SEMA3A: variants seen among roughly 807,000 people sequenced by gnomAD.
SEMA3A encodes semaphorin-3A.
SEMA3A carries 29 observed loss-of-function variants against 97.9 expected under a neutral mutation model. The ratio of observed to expected loss-of-function variants is 0.30; its 90% CI spans 0.22 to 0.40. The LOEUF (loss-of-function observed/expected upper bound fraction) is 0.40. SEMA3A is among the 10% of genes least tolerant of loss of function. The pLI is 1.00. For missense variants in SEMA3A, 763 were observed against 951.3 expected, an observed-to-expected ratio of 0.80 and a Z score of 2.60; for synonymous variants, 321 against 323.7, an observed-to-expected ratio of 0.99 and a Z score of 0.09.
At chr7:84,489,820 T>C (rs1362471706) in intron 1 of SEMA3A, among the ~76,000 whole-genome samples, 1 of 152,116 alleles carries the variant, frequency 6.6e-6, no homozygotes, top group Admixed American at 6.6e-5. Flanking sequence ...GTTATTAAGT[T>C]ATGTAAGTGT....
At chr7:84,288,305 G>A (rs929340315) in intron 3 of SEMA3A, among the ~76,000 whole-genome samples, 3 of 152,028 alleles carry the variant, frequency 2.0e-5, no homozygotes, top group African/African-American at 2.4e-5. Context: ...ATGTTTAAAC[G>A]AATTAAATTT....
chr7:84,334,203 T>C (rs2115959928), intron 2 of SEMA3A, among the ~76,000 whole-genome samples: 1 of 152,226 alleles, frequency 6.6e-6, no homozygotes, highest in East Asian at 1.9e-4. Context: ...ATTAAAAGTT[T>C]ATTTTCCATT....
intron 3 of SEMA3A, among the ~76,000 whole-genome samples, chr7:84,264,461 C>T (rs1017895819): frequency 6.6e-6 from 1 of 152,122 alleles, no homozygotes; most frequent in Non-Finnish European, 1.5e-5. Context: ...CGGTTTTTTT[C>T]TGGCTGCTGT....
At chr7:84,085,157 G>T (rs1794291080) in intron 4 of SEMA3A, among the ~76,000 whole-genome samples, 1 of 151,928 alleles carries the variant, frequency 6.6e-6, no homozygotes, top group South Asian at 2.1e-4. Context: ...TACCAAAGTG[G>T]ATTTCTCAAG....
intron 1 of SEMA3A, among the ~76,000 whole-genome samples, chr7:84,409,555 G>A (rs1032133975): frequency 6.6e-6 from 1 of 151,872 alleles, no homozygotes; most frequent in African/African-American, 2.4e-5. Context: ...ATTTAACTTA[G>A]TATTTACTTG....
intron 5 of SEMA3A, 122 bp from the exon 6 acceptor site, chr7:84,046,565 T>G (rs1000423663): frequency 5.7e-6 from 6 of 1,044,830 alleles, no homozygotes; most frequent in Non-Finnish European, 4.3e-6. Flanking sequence ...ACTGAAATGC[T>G]CTCTGCATCA....
rs935272026 is a variant in SEMA3A, at chr7:84,172,182, A to G, written c.112+22293T>C. On this transcript the variant is annotated intron_variant, in intron 1 of 16. Coordinates refer to ENST00000265362, the MANE Select transcript of SEMA3A (RefSeq NM_006080.3). ...AAAAGCTCAGTCATTTTCAAGTGTC[A>G]TTTAGTTAGCCATATGCACACTCCA... Among the ~76,000 whole-genome samples the G allele has an allele frequency of 2.6e-5, 4 of 152,198 alleles. No individual in the cohort carries two copies. In the East Asian group the frequency reaches 5.8e-4, roughly 22 times the overall value.
chr7:84,334,452 T>A (rs1284759158), intron 2 of SEMA3A, among the ~76,000 whole-genome samples: 2 of 152,104 alleles, frequency 1.3e-5, no homozygotes, highest in East Asian at 3.9e-4. Flanking sequence ...ATTACATAAA[T>A]AAGAAAAATA....
intron 2 of SEMA3A, among the ~76,000 whole-genome samples, chr7:84,342,193 G>A (rs1802188313): frequency 6.6e-6 from 1 of 152,042 alleles, no homozygotes; most frequent in Non-Finnish European, 1.5e-5. Context: ...GCAGCACCAT[G>A]CCTGGCTAAT....
At chr7:84,035,806 C>A (rs367622287) in intron 6 of SEMA3A, among the ~76,000 whole-genome samples, 2 of 151,940 alleles carry the variant, frequency 1.3e-5, no homozygotes, top group East Asian at 3.9e-4. Flanking sequence ...ATCTACTTTT[C>A]ATCTCATTAT....
chr7:84,443,529 T>G (rs1398875001), intron 1 of SEMA3A, among the ~76,000 whole-genome samples: 1 of 152,072 alleles, frequency 6.6e-6, no homozygotes, highest in Non-Finnish European at 1.5e-5. Context: ...ACAAAAAGTG[T>G]CAGAAGGAGC....
At chr7:84,439,065 CT>C (rs769895290) in intron 1 of SEMA3A, among the ~76,000 whole-genome samples, 1 of 151,380 alleles carries the variant, frequency 6.6e-6, no homozygotes, top group Non-Finnish European at 1.5e-5. Flanking sequence ...AGAGTATCAA[CT>C]TCTACATACA....
At position 84,343,368 on chromosome 7, in the gene SEMA3A, T is replaced by A. The variant is rs1389845969; in HGVS notation, c.-169+28456A>T. On this transcript the variant is annotated intron_variant, in intron 2 of 3. Coordinates refer to the SEMA3A transcript ENST00000424555. ...TACTCATAGGGTGATTATAATCCAATACAATTTTTAGAAAGATTTGTAGGG... is the reference window on the plus strand; with the variant it reads ...TACTCATAGGGTGATTATAATCCAAAACAATTTTTAGAAAGATTTGTAGGG... Among the ~76,000 whole-genome samples, 4 of 152,212 alleles carry A rather than the reference T, an allele frequency of 2.6e-5. No individual in the cohort carries two copies. In the East Asian group the frequency reaches 7.7e-4, roughly 29 times the overall value.
At chr7:84,384,590 C>T (rs114463746) in intron 1 of SEMA3A, among the ~76,000 whole-genome samples, 31 of 152,242 alleles carry the variant, frequency 2.0e-4, no homozygotes, top group African/African-American at 7.5e-4. Context: ...CCCATGACAT[C>T]CCCAGGCCAG....
intron 2 of SEMA3A, among the ~76,000 whole-genome samples, chr7:84,365,427 A>G (rs1047343182): frequency 6.6e-6 from 1 of 151,530 alleles, no homozygotes; most frequent in Non-Finnish European, 1.5e-5. Context: ...CTGAAAGTGT[A>G]TTACTTGTTC....
rs555984394 is a variant in SEMA3A, at chr7:84,398,574, A to G, written c.-245-26674T>C. On this transcript the variant is annotated intron_variant, in intron 1 of 3. Coordinates refer to the SEMA3A transcript ENST00000424555. ...GGAATTTGACACTAGTCTGGGCAGT[A>G]TAGCAAGACTCTGTCTCTACAATTT... is the stretch of plus-strand genomic sequence containing the variant. Among the ~76,000 whole-genome samples, 4 of 152,238 alleles carry G rather than the reference A, an allele frequency of 2.6e-5. No individual in the cohort carries two copies. The South Asian group carries it at 8.3e-4, about 32-fold the overall frequency.
chr7:84,361,428 A>G (rs1802716237), intron 2 of SEMA3A, among the ~76,000 whole-genome samples: 1 of 152,082 alleles, frequency 6.6e-6, no homozygotes, highest in Non-Finnish European at 1.5e-5. Context: ...AAAATGGAAA[A>G]CGGAAAGCTA....
At chr7:84,137,750 T>C (rs1195578279) in intron 1 of SEMA3A, among the ~76,000 whole-genome samples, 2 of 147,222 alleles carry the variant, frequency 1.4e-5, no homozygotes, top group African/African-American at 5.0e-5. Context: ...CATAGAGATA[T>C]TAAGCAATGA....
At chr7:84,379,339 A>C (rs1383715223) in intron 1 of SEMA3A, among the ~76,000 whole-genome samples, 1 of 152,184 alleles carries the variant, frequency 6.6e-6, no homozygotes, top group East Asian at 1.9e-4. Flanking sequence ...TTATAGCTCT[A>C]TGGTTAATAT....
Sources: allele counts gnomAD v4.1 joint callset (sites outside exome capture counted in the v4.1 genomes callset), GRCh38; gene constraint gnomAD v4.1.1; transcripts MANE v1.5; gene names NCBI Gene and HGNC (gene_info 2026-07-23, HGNC 2026-07-21).